The following PTPN13 variants were observed in gnomAD, a reference collection of about 807,000 sequenced individuals.
PTPN13 encodes tyrosine-protein phosphatase non-receptor type 13.
In PTPN13, 191 loss-of-function variants were observed where a neutral mutation model predicts 284.0. The observed-to-expected ratio is 0.67, with a 90% CI of 0.60 to 0.76. The LOEUF (loss-of-function observed/expected upper bound fraction) is 0.76. PTPN13 is among the 30% of genes least tolerant of loss of function. The pLI, the probability that PTPN13 is intolerant of heterozygous loss-of-function variation, is 0.00. For missense variants in PTPN13, 2,797 were observed against 2,939.9 expected (o/e 0.95, Z 1.12); for synonymous variants, 986 against 1,022.3 (o/e 0.96, Z 0.68).
chr4:86,742,890 A>G (rs1736309776), intron 16 of PTPN13, among the ~76,000 whole-genome samples: 1 of 152,234 alleles, frequency 6.6e-6, no homozygotes, highest in Non-Finnish European at 1.5e-5. Context: ...TTGCCAAGCT[A>G]CCACACTAAC....
chr4:86,636,995 A>T (rs944418014), intron 2 of PTPN13, among the ~76,000 whole-genome samples: 4 of 152,024 alleles, frequency 2.6e-5, no homozygotes, highest in Non-Finnish European at 2.9e-5. Flanking sequence ...GATAAAGGGG[A>T]TATCACCACC....
intron 28 of PTPN13, among the ~76,000 whole-genome samples, chr4:86,769,018 C>T (rs1400884245): frequency 6.6e-6 from 1 of 151,980 alleles, no homozygotes; most frequent in African/African-American, 2.4e-5. Flanking sequence ...CCCCATCATT[C>T]TTTCTTTAAA....
At chr4:86,788,824 A>G (rs1742282450) in intron 40 of PTPN13, among the ~76,000 whole-genome samples, 1 of 152,224 alleles carries the variant, frequency 6.6e-6, no homozygotes, top group South Asian at 2.1e-4. Context: ...AGGGAAGTAC[A>G]CATGTAAATA....
chr4:86,745,119 C>T lies in PTPN13; in HGVS notation c.2641C>T (p.Gln881Ter). ...AGCAAGACAGAGCAACCAAGATGCC[C>T]AAGATATTGGTAAGGAGAAGCAGAC... is the stretch of plus-strand genomic sequence containing the variant. ...MRARQSNQDA[Q>*]DIERASFRSL... The change falls in exon 17 of 48, where the codon CAA becomes TAA. Residue 881 changes from glutamine (Q) to a stop codon, truncating the protein, a stop_gained. Transcript: ENST00000411767. LOFTEE classifies it high-confidence loss of function. 1 of 1,609,474 alleles carries T rather than the reference C, an allele frequency of 6.2e-7. No individual in the cohort carries two copies. The highest frequency in any genetic ancestry group is 8.5e-7 in the Non-Finnish European group (1 of 1,178,236).
At chr4:86,813,552 C>A (rs1387519841) in intron 47 of PTPN13, among the ~76,000 whole-genome samples, 1 of 152,120 alleles carries the variant, frequency 6.6e-6, no homozygotes, top group African/African-American at 2.4e-5. Flanking sequence ...TCAAGTGATT[C>A]TCCTGCCTCA....
intron 2 of PTPN13, among the ~76,000 whole-genome samples, chr4:86,645,506 A>G (rs978768984): frequency 1.3e-5 from 2 of 152,220 alleles, no homozygotes; most frequent in African/African-American, 4.8e-5. Context: ...GAACTCATAG[A>G]TGTTTAACAA....
intron 2 of PTPN13, among the ~76,000 whole-genome samples, chr4:86,649,726 A>G (rs1724862787): frequency 6.6e-6 from 1 of 152,124 alleles, no homozygotes; most frequent in Non-Finnish European, 1.5e-5. Context: ...TTGTGACTCC[A>G]TATAAATTTT....
intron 1 of PTPN13, among the ~76,000 whole-genome samples, chr4:86,621,996 T>G: frequency 6.6e-6 from 1 of 152,162 alleles, no homozygotes; most frequent in South Asian, 2.1e-4. Flanking sequence ...AGTTCACTGT[T>G]TATAATAGAA....
intron 23 of PTPN13, among the ~76,000 whole-genome samples, chr4:86,761,170 A>ATATATATAT (rs60263343): frequency 1.0e-4 from 15 of 144,258 alleles, no homozygotes; most frequent in East Asian, 2.0e-4. Flanking sequence ...ATATATATAT[A>ATATATATAT]AACACAACAC....
chr4:86,800,901 A>AT (rs1743958042), intron 42 of PTPN13, among the ~76,000 whole-genome samples: 1 of 152,080 alleles, frequency 6.6e-6, no homozygotes, highest in African/African-American at 2.4e-5. Flanking sequence ...ATATGAGTAA[A>AT]TTTTGTATTC....
chr4:86,701,100 T>C, intron 6 of PTPN13, 141 bp from the exon 7 acceptor site: 1 of 607,932 alleles, frequency 1.6e-6, no homozygotes, highest in Non-Finnish European at 2.8e-6. Flanking sequence ...ACTATGACCA[T>C]CATCACCATC....
At chr4:86,742,315 A>G (rs966385777) in intron 16 of PTPN13, among the ~76,000 whole-genome samples, 2 of 152,212 alleles carry the variant, frequency 1.3e-5, no homozygotes, top group African/African-American at 4.8e-5. Flanking sequence ...ACAGCTCTCT[A>G]TAAAGTTAGA....
Position 86,764,575 on chromosome 4 carries a change from T to A in PTPN13, c.4018-18T>A, listed in dbSNP as rs780897679. On this transcript the variant is annotated intron_variant, in intron 24 of 47. Transcript: ENST00000411767. ...TTTGACTCTAACAAGAAATCTTTGT[T>A]TGTTTTTCTTTGTTAAGGAATCTTC... 7.1e-7 allele frequency: 1 copy of A among 1,405,536 alleles called. No individual in the cohort carries two copies. Among genetic ancestry groups the A allele is most frequent in the Non-Finnish European group, 9.3e-7 (1 of 1,070,736 alleles). The allele number at this position is 1,405,536 out of a possible 1,614,324, so 87.1% of individuals were successfully genotyped here.
chr4:86,657,461 C>T (rs1004261219), intron 2 of PTPN13, among the ~76,000 whole-genome samples: 2 of 152,164 alleles, frequency 1.3e-5, no homozygotes, highest in Admixed American at 6.5e-5. Flanking sequence ...AAGTCACTTG[C>T]TCTCTTTTCT....
At chr4:86,670,981 G>C (rs907728468) in intron 2 of PTPN13, among the ~76,000 whole-genome samples, 1 of 152,172 alleles carries the variant, frequency 6.6e-6, no homozygotes, top group African/African-American at 2.4e-5. Context: ...TGTATGATTG[G>C]TTAAGGCTTT....
chr4:86,597,848 A>G lies in PTPN13; in HGVS notation c.-6+3059A>G, dbSNP rs148808513. On this transcript the variant is annotated intron_variant, in intron 1 of 47. Transcript: ENST00000411767. ...TCACATGTTTTTCCCAGAGTTTGCT[A>G]TCAAATGCATGGGAAATACAGGAAC... is the stretch of plus-strand genomic sequence containing the variant. Among the ~76,000 whole-genome samples, 37 of 152,330 alleles carry G rather than the reference A, an allele frequency of 2.4e-4. 1 individual carries two copies. In the East Asian group the frequency reaches 6.0e-3, roughly 25 times the overall value.
At chr4:86,625,705 G>T (rs527744387) in intron 1 of PTPN13, among the ~76,000 whole-genome samples, 9 of 152,134 alleles carry the variant, frequency 5.9e-5, no homozygotes, top group Non-Finnish European at 1.2e-4. Flanking sequence ...TTTCTTCCTG[G>T]TCGTTGGCTG....
rs376511732 is a variant in PTPN13 at position 86,701,504 on chromosome 4, G to A, written c.898G>A (p.Ala300Thr). ...IDVLSKKKIW[A>T]SSMDLLCTAD... ...TGTGCTTTCTAAGAAGAAGATCTGG[G>A]CTTCATCCATGGACTTGCTTTGTAC... Residue 300 changes from alanine (A) to threonine (T), a missense_variant, in exon 7 of 48, where the codon GCT becomes ACT. Physicochemically the swap from Ala to Thr is moderately conservative, Grantham distance 58. Transcript: ENST00000411767. 1.4e-5 allele frequency: 22 copies of A among 1,613,848 alleles called. No individual in the cohort carries two copies. Among genetic ancestry groups the A allele is most frequent in the Non-Finnish European group, 1.7e-5 (20 of 1,179,890 alleles).
intron 37 of PTPN13, among the ~76,000 whole-genome samples, 169 bp downstream of exon 37, chr4:86,782,431 T>C (rs1741425829): frequency 1.3e-5 from 2 of 152,222 alleles, no homozygotes; most frequent in South Asian, 4.1e-4. Context: ...AAGTAAATCA[T>C]ACAACATAGA....
Sources: allele counts gnomAD v4.1 joint callset (sites outside exome capture counted in the v4.1 genomes callset), GRCh38; gene constraint gnomAD v4.1.1; transcripts MANE v1.5; gene names NCBI Gene and HGNC (gene_info 2026-07-23, HGNC 2026-07-21).